RNF220: variants seen among roughly 807,000 people sequenced by gnomAD.
The protein encoded by RNF220 is ring finger protein 220.
In RNF220, 7 loss-of-function variants were observed where a neutral mutation model predicts 67.1. The ratio of observed to expected loss-of-function variants is 0.10; its 90% CI spans 0.06 to 0.20. RNF220 has a LOEUF of 0.20. Among genes scored for constraint, RNF220 ranks in the 10% least tolerant of loss-of-function variants. The pLI, the probability that RNF220 is intolerant of heterozygous loss-of-function variation, is 1.00. For synonymous variants in RNF220, 270 were observed against 283.2 expected, an observed-to-expected ratio of 0.95 and a Z score of 0.47; for missense variants, 565 against 740.3, an observed-to-expected ratio of 0.76 and a Z score of 2.75.
In RNF220 at chr1:44,651,343, C is replaced by T. The variant is rs758743174; in HGVS notation, c.*568C>T. The T allele has an allele frequency of 5.9e-6, 1 of 168,710 alleles. No homozygotes were observed. The highest frequency in any genetic ancestry group is 1.3e-5 in the Non-Finnish European group (1 of 76,252). 10.5% of individuals were successfully genotyped at this position (168,710 alleles called of 1,614,324 possible). On this transcript the variant is annotated 3_prime_UTR_variant, in exon 15 of 15. Coordinates refer to ENST00000361799, the MANE Select transcript of RNF220 (RefSeq NM_018150.4). Reference sequence around the variant, plus strand: ...CTCTCTCTCTCCTGTGGTGTCCCTTCCCTCTCCCATGTGCTCGGTGTTCAG... The same window carrying T: ...CTCTCTCTCTCCTGTGGTGTCCCTTTCCTCTCCCATGTGCTCGGTGTTCAG...
At chr1:44,431,009 G>A (rs1422885800) in intron 2 of RNF220, among the ~76,000 whole-genome samples, 1 of 152,208 alleles carries the variant, frequency 6.6e-6, no homozygotes, top group Non-Finnish European at 1.5e-5. Flanking sequence ...TGGTCAAGTG[G>A]ATGGGATTAC....
chr1:44,445,980 T>C (rs1278264469), intron 2 of RNF220, among the ~76,000 whole-genome samples: 1 of 152,192 alleles, frequency 6.6e-6, no homozygotes, highest in African/African-American at 2.4e-5. Context: ...TTGGGTATGA[T>C]TGGGTGCCAA....
chr1:44,617,963 C>G (rs562327763), intron 3 of RNF220, among the ~76,000 whole-genome samples: 1 of 152,168 alleles, frequency 6.6e-6, no homozygotes, highest in Non-Finnish European at 1.5e-5. Flanking sequence ...CCTACCCTGC[C>G]TTTGCCTCCA....
At position 44,623,223 on chromosome 1, in the gene RNF220, G is replaced by T. The variant is rs776287543; in HGVS notation, c.804+436G>T. 1.4e-5 allele frequency among the ~76,000 whole-genome samples: 2 copies of T among 148,032 alleles called. 1 individual carries two copies. Among genetic ancestry groups the T allele is most frequent in the South Asian group, 4.6e-4 (2 of 4,372 alleles). On this transcript the variant is annotated intron_variant, in intron 4 of 14. Transcript: ENST00000361799. Reference sequence around the variant, plus strand: ...GGTGTATGAATGTGCAGGTGTGTGCGTGTGTGTGTGTTTGTGTGTACTTTG... The same window carrying T: ...GGTGTATGAATGTGCAGGTGTGTGCTTGTGTGTGTGTTTGTGTGTACTTTG...
chr1:44,498,787 C>A (rs1469764578), intron 2 of RNF220, among the ~76,000 whole-genome samples: 1 of 152,126 alleles, frequency 6.6e-6, no homozygotes, highest in African/African-American at 2.4e-5. Context: ...CTAGAGACCC[C>A]CAAGGATGCG....
At chr1:44,466,599 T>G (rs1654292572) in intron 2 of RNF220, among the ~76,000 whole-genome samples, 1 of 152,222 alleles carries the variant, frequency 6.6e-6, no homozygotes, top group Non-Finnish European at 1.5e-5. Flanking sequence ...TACTCCCTGA[T>G]CCATGGGCTG....
chr1:44,498,752 G>A (rs1279259013), intron 2 of RNF220, among the ~76,000 whole-genome samples: 3 of 152,158 alleles, frequency 2.0e-5, no homozygotes, highest in South Asian at 2.1e-4. Context: ...TGGGCCCCAC[G>A]CCCAGAGTTT....
At position 44,432,895 on chromosome 1, in the gene RNF220, C is replaced by CTT. The variant is rs759672475; in HGVS notation, c.625+20176_625+20177dup. ...GGTATGTATGTAAGTTTCAAATTGG[C>CTT]TTTTCTTTTTTTTTTTTTGAGTCTT... On this transcript the variant is annotated intron_variant, in intron 2 of 14. Coordinates refer to ENST00000361799, the MANE Select transcript of RNF220 (RefSeq NM_018150.4). Among the ~76,000 whole-genome samples the CTT allele has an allele frequency of 3.6e-4, 38 of 104,392 alleles. 1 individual carries two copies. Among genetic ancestry groups the CTT allele is most frequent in the African/African-American group, 9.6e-4 (28 of 29,232 alleles). 68.5% of individuals were successfully genotyped at this position (104,392 alleles called of 152,430 possible). A position where few individuals can be genotyped will look rare whatever the true frequency, so the allele number is the denominator to read the frequency against.
chr1:44,622,695 C>G lies in RNF220; in HGVS notation c.759-47C>G, dbSNP rs375934040. The G allele has an allele frequency of 1.3e-6, 2 of 1,568,410 alleles. No individual in the cohort carries two copies. Among genetic ancestry groups the G allele is most frequent in the African/African-American group, 2.7e-5 (2 of 74,010 alleles). Reference sequence around the variant, plus strand: ...TCTTGCTACTCTACCGTTGCATGCCCTGGGCAGCAGGTAGAATGGTTACCC... The same window carrying G: ...TCTTGCTACTCTACCGTTGCATGCCGTGGGCAGCAGGTAGAATGGTTACCC... On this transcript the variant is annotated intron_variant, in intron 3 of 14. Transcript: ENST00000361799. This position sits in a 1 kb window ranked among gnomAD's most constrained non-coding sequence, Gnocchi z 4.3.
intron 2 of RNF220, among the ~76,000 whole-genome samples, chr1:44,525,699 C>T (rs921627986): frequency 2.6e-5 from 4 of 152,162 alleles, no homozygotes; most frequent in Admixed American, 2.0e-4. Flanking sequence ...TATCTCCCTG[C>T]TCACCCCTAT....
At chr1:44,426,361 G>C (rs926753350) in intron 2 of RNF220, among the ~76,000 whole-genome samples, 1 of 152,218 alleles carries the variant, frequency 6.6e-6, no homozygotes, top group Non-Finnish European at 1.5e-5. Context: ...ATTTGGAAGG[G>C]CCTGCCCCTT....
chr1:44,474,896 G>A (rs925716949), intron 2 of RNF220, among the ~76,000 whole-genome samples: 1 of 152,160 alleles, frequency 6.6e-6, no homozygotes, highest in Non-Finnish European at 1.5e-5. Context: ...GAGCATCCAA[G>A]TGTTTTGGTG....
chr1:44,425,111 G>T (rs1649625918), intron 2 of RNF220, among the ~76,000 whole-genome samples: 1 of 152,162 alleles, frequency 6.6e-6, no homozygotes, highest in South Asian at 2.1e-4. Context: ...CCCTTCCAGG[G>T]GGCAGCTGCC....
At chr1:44,516,027 C>A (rs1314560359) in intron 2 of RNF220, among the ~76,000 whole-genome samples, 2 of 152,286 alleles carry the variant, frequency 1.3e-5, no homozygotes, top group Non-Finnish European at 2.9e-5. Context: ...TGAATGTGAT[C>A]TTAGCTGCTA....
intron 1 of RNF220, chr1:44,410,589 GAGA>G (rs1196410700): frequency 2.6e-5 from 4 of 152,206 alleles, no homozygotes; most frequent in African/African-American, 9.7e-5. Flanking sequence ...TACAGGATGG[GAGA>G]AGGAAATACT....
intron 2 of RNF220, among the ~76,000 whole-genome samples, chr1:44,580,030 C>CAAAAAAAAAAAAAAAAAAAAAAAA (rs61499825): frequency 7.7e-5 from 5 of 65,236 alleles, no homozygotes; most frequent in East Asian, 5.5e-4. Flanking sequence ...CCCTGTCTCA[C>CAAAAAAAAAAAAAAAAAAAAAAAA]AAAAAAAAAA....
chr1:44,499,620 TCTC>T (rs1657648105), intron 2 of RNF220, among the ~76,000 whole-genome samples: 1 of 151,970 alleles, frequency 6.6e-6, no homozygotes, highest in African/African-American at 2.4e-5. Flanking sequence ...AGATTTCCCT[TCTC>T]CTTTATCCGC....
chr1:44,603,285 G>A (rs1413014377), intron 2 of RNF220, among the ~76,000 whole-genome samples: 1 of 152,238 alleles, frequency 6.6e-6, no homozygotes, highest in African/African-American at 2.4e-5. Context: ...CTGGGAAAAG[G>A]TAAACATGCT....
intron 2 of RNF220, among the ~76,000 whole-genome samples, chr1:44,519,623 G>A (rs1659742735): frequency 6.6e-6 from 1 of 152,216 alleles, no homozygotes; most frequent in Non-Finnish European, 1.5e-5. Context: ...AGCAATGTGG[G>A]AATCCAGTGT....
Sources: gnomAD v4.1 joint callset for allele counts (sites outside exome capture counted in the v4.1 genomes callset) on GRCh38, gnomAD v4.1.1 for gene constraint, Gnocchi (gnomAD v3.1) non-coding constraint, MANE v1.5 for transcripts, NCBI Gene and HGNC (gene_info 2026-07-23, HGNC 2026-07-21) for gene names.